Variants in LYZL2 observed in about 807,000 individuals in gnomAD.
LYZL2 encodes the protein lysozyme like 2.
Under a neutral mutation model 17.1 loss-of-function variants are expected in LYZL2, and 13 were observed. The ratio of observed to expected loss-of-function variants is 0.76; its 90% CI spans 0.49 to 1.21. LYZL2 has a LOEUF of 1.21. Ranked by LOEUF, LYZL2 falls within the 50% of genes most tolerant of loss-of-function variation. LYZL2 has a pLI of 0.00. For missense variants in LYZL2, 166 were observed against 189.2 expected (o/e 0.88, Z 0.72); for synonymous variants, 63 against 74.4 (o/e 0.85, Z 0.79).
chr10:30,618,342 A>C (rs1838567779), intron 3 of LYZL2, among the ~76,000 whole-genome samples: 1 of 152,176 alleles, frequency 6.6e-6, no homozygotes, highest in Non-Finnish European at 1.5e-5. Flanking sequence ...GTTCATATGG[A>C]ACCAAAAAAG....
At chr10:30,620,396 G>A (rs1391771848) in intron 3 of LYZL2, among the ~76,000 whole-genome samples, 3 of 152,200 alleles carry the variant, frequency 2.0e-5, no homozygotes, top group African/African-American at 4.8e-5. Flanking sequence ...CAATCTTCAC[G>A]AGCAGCCTGC....
At chr10:30,610,721 C>T (rs1193727103), downstream of LYZL2, among the ~76,000 whole-genome samples, 1 of 152,146 alleles carries the variant, frequency 6.6e-6, no homozygotes, top group Non-Finnish European at 1.5e-5. Flanking sequence ...GCATGAGCCA[C>T]TGTGCCTCAC....
chr10:30,626,247 A>G lies in LYZL2; in HGVS notation c.156T>C (p.Tyr52=). 6.2e-7 allele frequency: 1 copy of G among 1,614,218 alleles called. No individual in the cohort carries two copies. Among genetic ancestry groups the G allele is most frequent in the Non-Finnish European group, 8.5e-7 (1 of 1,180,028 alleles). The change falls in exon 3 of 5, where the codon TAT becomes TAC. Residue 52 remains tyrosine, a synonymous_variant. Coordinates refer to ENST00000647634, the MANE Select transcript of LYZL2 (RefSeq NM_183058.3). ...FSLGNWICMA[Y]YESGYNTTAQ... Reference sequence around the variant, plus strand: ...CTGTGGTGTTGTAGCCGCTCTCATAATACGCCATGCAGATCCCTGGAGGGG... The same window carrying G: ...CTGTGGTGTTGTAGCCGCTCTCATAGTACGCCATGCAGATCCCTGGAGGGG...
chr10:30,621,252 T>C (rs1388539608), intron 3 of LYZL2, among the ~76,000 whole-genome samples: 1 of 152,108 alleles, frequency 6.6e-6, no homozygotes, highest in Admixed American at 6.5e-5. Context: ...TTTCCCATCA[T>C]ACACAAGGCA....
intron 1 of LYZL2, among the ~76,000 whole-genome samples, chr10:30,628,143 G>C (rs1216125778): frequency 6.6e-6 from 1 of 151,922 alleles, no homozygotes; most frequent in Non-Finnish European, 1.5e-5. Context: ...CTGGGCGACA[G>C]AGCGAGACTC....
At chr10:30,627,127 C>T (rs971803584) in intron 1 of LYZL2, among the ~76,000 whole-genome samples, 187 bp from the exon 2 acceptor site, 2 of 152,178 alleles carry the variant, frequency 1.3e-5, no homozygotes, top group African/African-American at 2.4e-5. Context: ...CTCCTTAATG[C>T]TTTTCCATAC....
In LYZL2 at chr10:30,626,206, T is replaced by C; in HGVS notation, c.197A>G (p.Asp66Gly). The C allele has an allele frequency of 6.2e-7, 1 of 1,614,248 alleles. No individual in the cohort carries two copies. Among genetic ancestry groups the C allele is most frequent in the South Asian group, 1.1e-5 (1 of 91,092 alleles). ...GATGCCGTAGTCGATGCTGCCGTCA[T>C]CCAGGACCGTCTGGGCTGTGGTGTT... ...GYNTTAQTVL[D>G]DGSIDYGIFQ... Residue 66 changes from aspartate (D) to glycine (G), a missense_variant, in exon 3 of 5, where the codon GAT becomes GGT. Physicochemically the swap from Asp to Gly is moderately conservative, Grantham distance 94. Transcript: ENST00000647634.
chr10:30,611,558 G>GAAA (rs1564405791), downstream of LYZL2, among the ~76,000 whole-genome samples: 95 of 75,240 alleles, frequency 1.3e-3, no homozygotes, highest in Non-Finnish European at 1.6e-3. Flanking sequence ...AAGGAAGGAA[G>GAAA]GAAGGAAGGA....
intron 1 of LYZL2, among the ~76,000 whole-genome samples, chr10:30,627,909 C>T (rs532690837): frequency 6.6e-5 from 10 of 152,188 alleles, no homozygotes; most frequent in East Asian, 1.9e-4. Flanking sequence ...CCTGTAATCC[C>T]GGCACTTTGG....
Position 30,626,785 on chromosome 10 carries a change from A to G in LYZL2, c.131T>C (p.Leu44Pro). 6.2e-7 allele frequency: 1 copy of G among 1,614,278 alleles called. No individual in the cohort carries two copies. The change falls in exon 2 of 5, where the codon CTT becomes CCT. Residue 44 changes from leucine to proline, a missense_variant. Physicochemically the swap from Leu to Pro is moderately conservative, Grantham distance 98. Transcript: ENST00000647634. Reference sequence around the variant, plus strand: ...GAAAGAAATAATCTCACAGTTTCCAAGGCTGAAGCCCCAGTAATTGTCCAG... The same window carrying G: ...GAAAGAAATAATCTCACAGTTTCCAGGGCTGAAGCCCCAGTAATTGTCCAG... The part of the protein sequence containing the change: ...AGLDNYWGFS[L>P]GNWICMAYYE...
intron 3 of LYZL2, among the ~76,000 whole-genome samples, chr10:30,615,719 A>C (rs1027352592): frequency 1.3e-5 from 2 of 152,214 alleles, no homozygotes; most frequent in Non-Finnish European, 2.9e-5. Context: ...AAAAATATAA[A>C]AAATTGTAAT....
At chr10:30,624,748 C>A (rs1838677592) in intron 3 of LYZL2, among the ~76,000 whole-genome samples, 1 of 152,186 alleles carries the variant, frequency 6.6e-6, no homozygotes, top group African/African-American at 2.4e-5. Context: ...GGGTCTCGCC[C>A]AGGCTGGTCT....
intron 3 of LYZL2, among the ~76,000 whole-genome samples, chr10:30,618,624 T>C (rs1461489523): frequency 1.3e-5 from 2 of 152,236 alleles, no homozygotes; most frequent in African/African-American, 2.4e-5. Flanking sequence ...GCAGGCCATA[T>C]GTAGAAAGCT....
At chr10:30,612,982 C>A in intron 3 of LYZL2, 82 bp from the exon 4 acceptor site, 1 of 1,107,876 alleles carries the variant, frequency 9.0e-7, no homozygotes, top group South Asian at 1.3e-5. Flanking sequence ...TCATTTTTCT[C>A]AGTCTTTTTG....
At chr10:30,612,457 C>T (rs765932322) in intron 4 of LYZL2, among the ~76,000 whole-genome samples, 7 of 152,174 alleles carry the variant, frequency 4.6e-5, no homozygotes, top group South Asian at 4.1e-4. Context: ...AAAATGTTGC[C>T]GTAACCTTCA....
At chr10:30,629,473 C>T in intron 1 of LYZL2, 120 bp downstream of exon 1, 1 of 933,814 alleles carries the variant, frequency 1.1e-6, no homozygotes, top group Non-Finnish European at 1.6e-6. Context: ...TGATCTCAAA[C>T]AAGTCAAAAC....
downstream of LYZL2, among the ~76,000 whole-genome samples, chr10:30,610,233 A>G (rs1019402333): frequency 7.9e-5 from 12 of 152,230 alleles, no homozygotes; most frequent in African/African-American, 2.9e-4. Flanking sequence ...TGATTTAAGT[A>G]GAAGCTGGAA....
downstream of LYZL2, among the ~76,000 whole-genome samples, chr10:30,610,104 T>C (rs1425193003): frequency 7.5e-6 from 1 of 134,144 alleles, no homozygotes; most frequent in Non-Finnish European, 1.6e-5. Flanking sequence ...ACATGAACAC[T>C]AACAATAGCT....
downstream of LYZL2, among the ~76,000 whole-genome samples, chr10:30,607,191 T>C (rs11008142): frequency 0.12 from 1,241 of 10,154 alleles, 5 homozygotes; most frequent in African/African-American, 0.24. Context: ...GGATTACAGG[T>C]GTGAGCCACC....
Sources: gnomAD v4.1 joint callset for allele counts (sites outside exome capture counted in the v4.1 genomes callset) on GRCh38, gnomAD v4.1.1 for gene constraint, MANE v1.5 for transcripts, NCBI Gene and HGNC (gene_info 2026-07-23, HGNC 2026-07-21) for gene names.